DIAPH2: variants seen among roughly 807,000 people sequenced by gnomAD.
DIAPH2 encodes diaphanous related formin 2.
A neutral mutation model predicts 92.7 loss-of-function variants in DIAPH2; 35 were observed. The ratio of observed to expected loss-of-function variants is 0.38; its 90% confidence interval spans 0.29 to 0.50. DIAPH2 has a LOEUF of 0.50. Among genes scored for constraint, DIAPH2 ranks in the 20% least tolerant of loss-of-function variants. The probability of loss-of-function intolerance (pLI) is 0.94; values close to 1 mark genes in which losing one functional copy is unlikely to be tolerated. For missense variants in DIAPH2, 701 were observed against 819.5 expected (o/e 0.86, Z 1.77); for synonymous variants, 301 against 280.4 (o/e 1.07, Z -0.73).
At chrX:96,725,042 C>G (rs1036294422) in intron 1 of DIAPH2, among the ~76,000 whole-genome samples, 1 of 111,530 alleles carries the variant, frequency 9.0e-6, no homozygotes, top group Non-Finnish European at 1.9e-5. Flanking sequence ...AAGAGTCCGT[C>G]GTGAGAAACA....
At chrX:97,292,671 C>G (rs180924240) in intron 23 of DIAPH2, among the ~76,000 whole-genome samples, 2 of 109,245 alleles carry the variant, frequency 1.8e-5, no homozygotes, top group Non-Finnish European at 3.8e-5. Context: ...CTCAGCCTCC[C>G]GAGTAGCTGG....
intron 4 of DIAPH2, among the ~76,000 whole-genome samples, chrX:96,802,540 C>T (rs2064590777): frequency 9.0e-6 from 1 of 111,497 alleles, no homozygotes; most frequent in Admixed American, 9.6e-5. Flanking sequence ...TATGAATGCC[C>T]TTGGAATGTG....
intron 17 of DIAPH2, among the ~76,000 whole-genome samples, chrX:97,041,454 C>A (rs1444464175): frequency 5.4e-5 from 6 of 111,212 alleles, no homozygotes; most frequent in African/African-American, 1.6e-4. Context: ...ATTTCTTTAT[C>A]TCTTCCCTAT....
At position 96,916,489 on chromosome X, in the gene DIAPH2, A is replaced by G. The variant is rs1436638995; in HGVS notation, c.784A>G (p.Arg262Gly). 2 of 1,203,715 alleles carry G rather than the reference A, an allele frequency of 1.7e-6. No homozygotes were observed. Among genetic ancestry groups the G allele is most frequent in the East Asian group, 3.0e-5 (1 of 33,560 alleles). Reference protein sequence around the residue: ...GDERSLLLLARAIDPKQPNMM... With the variant: ...GDERSLLLLAGAIDPKQPNMM... Reference sequence around the variant, plus strand: ...TGAAAGAAGTCTTTTACTATTGGCAAGAGCAATTGACCCCAAACAACCCAA... The same window carrying G: ...TGAAAGAAGTCTTTTACTATTGGCAGGAGCAATTGACCCCAAACAACCCAA... Residue 262 changes from arginine to glycine, a missense_variant, in exon 8 of 27, where the codon AGA becomes GGA. Transcript: ENST00000324765.
chrX:97,371,673 T>C (rs751580561), intron 24 of DIAPH2, among the ~76,000 whole-genome samples: 1 of 111,250 alleles, frequency 9.0e-6, no homozygotes, highest in East Asian at 2.8e-4. Context: ...TATCCAAGTC[T>C]CTAAGGTGCT....
chrX:97,121,725 T>A (rs1044552078), intron 21 of DIAPH2, among the ~76,000 whole-genome samples: 1 of 111,991 alleles, frequency 8.9e-6, no homozygotes, highest in African/African-American at 3.2e-5. Flanking sequence ...CAGCAACTCA[T>A]TATTAAATAT....
rs1011950563 is a variant in DIAPH2, at chrX:97,358,497, T to A, written c.3009+10217T>A. Among the ~76,000 whole-genome samples, 12 of 111,294 alleles carry A rather than the reference T, an allele frequency of 1.1e-4. 1 individual carries two copies. The highest frequency in any genetic ancestry group is 2.6e-4 in the African/African-American group (8 of 30,704). ...TCAGGATTACCTGCAAAAGATTTTTTAAAAAAAATTATAAAAAATCAGTGG... is the reference window on the plus strand; with the variant it reads ...TCAGGATTACCTGCAAAAGATTTTTAAAAAAAAATTATAAAAAATCAGTGG... On this transcript the variant is annotated intron_variant, in intron 24 of 26. Coordinates refer to ENST00000324765, the MANE Select transcript of DIAPH2 (RefSeq NM_006729.5).
intron 26 of DIAPH2, among the ~76,000 whole-genome samples, chrX:97,437,761 TAC>T (rs58161143): frequency 0.092 from 8,761 of 95,428 alleles, 965 homozygotes; most frequent in African/African-American, 0.3. Context: ...TACATGATTT[TAC>T]ACACACACAC....
intron 23 of DIAPH2, among the ~76,000 whole-genome samples, chrX:97,248,749 C>G (rs973793546): frequency 8.9e-6 from 1 of 111,848 alleles, no homozygotes; most frequent in Non-Finnish European, 1.9e-5. Flanking sequence ...AAGGTTAAAT[C>G]TATTGCCTTT....
intron 4 of DIAPH2, 144 bp downstream of exon 4, chrX:96,758,402 C>A: frequency 5.6e-6 from 2 of 359,606 alleles, no homozygotes; most frequent in African/African-American, 2.6e-5. Context: ...ATATGTTATA[C>A]ATTTAGTATT....
At chrX:97,039,484 G>A (rs2066434032) in intron 17 of DIAPH2, among the ~76,000 whole-genome samples, 1 of 111,498 alleles carries the variant, frequency 9.0e-6, no homozygotes, top group Non-Finnish European at 1.9e-5. Flanking sequence ...TTTTGCATTA[G>A]TTACTTCAGG....
chrX:96,990,653 CA>C (rs2066063627), intron 17 of DIAPH2, among the ~76,000 whole-genome samples: 1 of 111,439 alleles, frequency 9.0e-6, no homozygotes, highest in African/African-American at 3.3e-5. Flanking sequence ...TACCTGTATA[CA>C]GTATATAGTG....
intron 19 of DIAPH2, among the ~76,000 whole-genome samples, chrX:97,096,585 C>T (rs1452735135): frequency 9.0e-6 from 1 of 111,571 alleles, no homozygotes; most frequent in Non-Finnish European, 1.9e-5. Context: ...GAGTTTCCCA[C>T]GGGGCACAGC....
intron 5 of DIAPH2, among the ~76,000 whole-genome samples, chrX:96,898,016 A>C (rs1441134068): frequency 2.3e-5 from 2 of 88,879 alleles, no homozygotes; most frequent in Non-Finnish European, 4.4e-5. Context: ...GAGAATGATG[A>C]TTTCCAATTT....
At position 96,715,848 on chromosome X, in the gene DIAPH2, G is replaced by C. The variant is rs769394122; in HGVS notation, c.133-19910G>C. Reference sequence around the variant, plus strand: ...TTATCATAGAAATATTTTCATAGACGTAATAGCATGAGAATAAGATGCATT... The same window carrying C: ...TTATCATAGAAATATTTTCATAGACCTAATAGCATGAGAATAAGATGCATT... On this transcript the variant is annotated intron_variant, in intron 1 of 26. Coordinates refer to ENST00000324765, the MANE Select transcript of DIAPH2 (RefSeq NM_006729.5). Among the ~76,000 whole-genome samples the C allele has an allele frequency of 1.8e-3, 195 of 109,991 alleles. 1 individual carries two copies. Among genetic ancestry groups the C allele is most frequent in the Non-Finnish European group, 2.9e-3 (154 of 52,632 alleles).
intron 22 of DIAPH2, among the ~76,000 whole-genome samples, chrX:97,237,764 G>T (rs1238314806): frequency 1.8e-5 from 2 of 109,649 alleles, no homozygotes; most frequent in Non-Finnish European, 3.8e-5. Flanking sequence ...TGTATTTTTA[G>T]TAGAGACGGA....
At chrX:97,163,380 G>T (rs772851869) in intron 22 of DIAPH2, among the ~76,000 whole-genome samples, 2 of 110,378 alleles carry the variant, frequency 1.8e-5, no homozygotes, top group Non-Finnish European at 3.8e-5. Flanking sequence ...TTCAGAGCTG[G>T]GGTTTTGCCA....
At chrX:97,324,376 T>G (rs909786451) in intron 23 of DIAPH2, among the ~76,000 whole-genome samples, 2 of 112,505 alleles carry the variant, frequency 1.8e-5, no homozygotes, top group African/African-American at 6.5e-5. Context: ...ATTGCCTGCC[T>G]GCCAGCTGTT....
Position 97,097,172 on chromosome X carries a change from A to C in DIAPH2, c.2248-2522A>C, listed in dbSNP as rs1465411051. ...ATACTCCTATCCAACCTTATACTAC[A>C]TCTTTGTCTACAACGTTTAGTATGT... On this transcript the variant is annotated intron_variant, in intron 19 of 26. Transcript: ENST00000324765. 7.2e-5 allele frequency among the ~76,000 whole-genome samples: 8 copies of C among 111,573 alleles called. No individual in the cohort carries two copies. In the Admixed American group the frequency reaches 7.7e-4, roughly 11 times the overall value.
Sources: allele counts gnomAD v4.1 joint callset (sites outside exome capture counted in the v4.1 genomes callset), GRCh38; gene constraint gnomAD v4.1.1; transcripts MANE v1.5; gene names NCBI Gene and HGNC (gene_info 2026-07-23, HGNC 2026-07-21).